The following XRN1 variants were observed in gnomAD, a reference collection of about 807,000 sequenced individuals.
XRN1 encodes 5'-3' exoribonuclease 1, also known as strand-exchange protein 1 homolog.
Under a neutral mutation model 222.3 loss-of-function variants are expected in XRN1, and 67 were observed. That is an observed-to-expected ratio of 0.30 (90% CI 0.25 to 0.37). The LOEUF (loss-of-function observed/expected upper bound fraction) is 0.37. Among genes scored for constraint, XRN1 ranks in the 10% least tolerant of loss-of-function variants. The probability of loss-of-function intolerance (pLI) is 1.00; values close to 1 mark genes in which losing one functional copy is unlikely to be tolerated. For synonymous variants in XRN1, 643 were observed against 652.4 expected, an observed-to-expected ratio of 0.99 and a Z score of 0.22; for missense variants, 1,707 against 2,000.2, an observed-to-expected ratio of 0.85 and a Z score of 2.80.
chr3:142,381,943 A>G (rs1021677993), intron 22 of XRN1, among the ~76,000 whole-genome samples: 3 of 152,118 alleles, frequency 2.0e-5, no homozygotes, highest in African/African-American at 7.2e-5. Context: ...AAAACAAAAA[A>G]ACAGTTCCTT....
intron 20 of XRN1, among the ~76,000 whole-genome samples, chr3:142,386,307 T>G (rs1286704853): frequency 6.6e-6 from 1 of 151,976 alleles, no homozygotes; most frequent in Non-Finnish European, 1.5e-5. Context: ...AAAATCCAAT[T>G]ATGTATAAAA....
chr3:142,428,288 G>C lies in XRN1; in HGVS notation c.309-1447C>G, dbSNP rs2069352355. On this transcript the variant is annotated intron_variant, in intron 2 of 40. Coordinates refer to ENST00000392981, the MANE Select transcript of XRN1 (RefSeq NM_001282857.2). The stretch of plus-strand genomic sequence containing the variant: ...GTGCGGCCTGTAGTCCCAGCTACTT[G>C]GGAGGCTGAGACAGGAGATTCGCTT... Among the ~76,000 whole-genome samples the C allele has an allele frequency of 2.0e-5, 3 of 151,380 alleles. No homozygotes were observed. The South Asian group carries it at 6.3e-4, about 32-fold the overall frequency.
In XRN1 at chr3:142,432,897, A is replaced by G; in HGVS notation, c.76-4T>C. On this transcript the variant is annotated splice_region_variant and splice_polypyrimidine_tract_variant and intron_variant, in intron 1 of 40. Coordinates refer to ENST00000392981, the MANE Select transcript of XRN1 (RefSeq NM_001282857.2). ...ACAAGTTGTCAAATTCAGGAATCTG[A>G]AAAACAAAGAAAAATGCTTGAGATC... is the stretch of plus-strand genomic sequence containing the variant. The G allele has an allele frequency of 6.3e-7, 1 of 1,589,146 alleles. No individual in the cohort carries two copies.
chr3:142,330,899 C>T (rs1469673335), intron 36 of XRN1, among the ~76,000 whole-genome samples: 4 of 152,034 alleles, frequency 2.6e-5, no homozygotes, highest in Non-Finnish European at 4.4e-5. Flanking sequence ...CTCCACCTCC[C>T]GGGTTCAAGC....
At chr3:142,354,219 A>G (rs2107823434) in intron 32 of XRN1, among the ~76,000 whole-genome samples, 1 of 152,340 alleles carries the variant, frequency 6.6e-6, no homozygotes, top group Non-Finnish European at 1.5e-5. Flanking sequence ...AGAAATGCAA[A>G]TCAAAACCAC....
chr3:142,432,913 G>T lies in XRN1; in HGVS notation c.76-20C>A. ...AGGAATCTGAAAAACAAAGAAAAATGCTTGAGATCATTTATTTTAATCAAC... is the reference window on the plus strand; with the variant it reads ...AGGAATCTGAAAAACAAAGAAAAATTCTTGAGATCATTTATTTTAATCAAC... On this transcript the variant is annotated intron_variant, in intron 1 of 40. Transcript: ENST00000392981. The T allele has an allele frequency of 6.4e-7, 1 of 1,557,772 alleles. No individual in the cohort carries two copies. The highest frequency in any genetic ancestry group is 8.8e-7 in the Non-Finnish European group (1 of 1,135,756).
intron 5 of XRN1, among the ~76,000 whole-genome samples, chr3:142,424,458 G>A (rs867907673): frequency 6.6e-6 from 1 of 152,040 alleles, no homozygotes; most frequent in African/African-American, 2.4e-5. Flanking sequence ...TCAATCAAAC[G>A]CCATGTACTT....
chr3:142,341,759 G>A (rs912765289), intron 33 of XRN1, among the ~76,000 whole-genome samples: 2 of 152,110 alleles, frequency 1.3e-5, no homozygotes, highest in Non-Finnish European at 2.9e-5. Flanking sequence ...CCAAAATGGA[G>A]CAGGGGTTAG....
intron 1 of XRN1, among the ~76,000 whole-genome samples, chr3:142,438,634 T>G (rs1338135142): frequency 2.0e-5 from 3 of 152,146 alleles, no homozygotes; most frequent in Non-Finnish European, 2.9e-5. Context: ...GGGACCAATC[T>G]GACCCTCAGA....
chr3:142,322,165 G>C (rs1053547604), intron 37 of XRN1, among the ~76,000 whole-genome samples: 8 of 152,240 alleles, frequency 5.3e-5, no homozygotes, highest in African/African-American at 1.7e-4. Flanking sequence ...GGATAGCTGA[G>C]GGTCTGCGAG....
At chr3:142,366,912 T>C (rs891182211) in intron 27 of XRN1, among the ~76,000 whole-genome samples, 5 of 152,202 alleles carry the variant, frequency 3.3e-5, no homozygotes, top group African/African-American at 9.6e-5. Context: ...GTAATGTTCA[T>C]AATAGGCCCA....
chr3:142,379,225 C>G lies in XRN1; in HGVS notation c.2715+857G>C, dbSNP rs1026582427. Among the ~76,000 whole-genome samples the G allele has an allele frequency of 2.0e-5, 3 of 152,070 alleles. No individual in the cohort carries two copies. In the South Asian group the frequency reaches 6.2e-4, roughly 32 times the overall value. ...GGCAGAGGTTGCACTGAGCCAAGATCGTGCCACTGCACTCCAGCCTGGATG... is the reference window on the plus strand; with the variant it reads ...GGCAGAGGTTGCACTGAGCCAAGATGGTGCCACTGCACTCCAGCCTGGATG... On this transcript the variant is annotated intron_variant, in intron 23 of 40. Transcript: ENST00000392981.
intron 13 of XRN1, among the ~76,000 whole-genome samples, chr3:142,414,854 T>C (rs763092609): frequency 2.0e-5 from 3 of 152,230 alleles, no homozygotes; most frequent in Non-Finnish European, 4.4e-5. Flanking sequence ...AATCAGGTAA[T>C]TGAAAAACAC....
intron 3 of XRN1, chr3:142,426,461 T>C: frequency 3.2e-6 from 1 of 312,352 alleles, no homozygotes; most frequent in Non-Finnish European, 5.9e-6. Context: ...GACAGAAAGA[T>C]ATATAAACAT....
rs878994409 is a variant in XRN1, at chr3:142,361,153, G to A, written c.3395-1222C>T. ...TGAAATAATATAATGTGTATTCCTC[G>A]TTTGTCTGGCTTCTTCGAGCATAAT... On this transcript the variant is annotated intron_variant, in intron 29 of 40. Coordinates refer to ENST00000392981, the MANE Select transcript of XRN1 (RefSeq NM_001282857.2). Among the ~76,000 whole-genome samples the A allele has an allele frequency of 5.3e-5, 8 of 152,130 alleles. No individual in the cohort carries two copies. The South Asian group carries it at 6.2e-4, about 12-fold the overall frequency.
intron 37 of XRN1, among the ~76,000 whole-genome samples, chr3:142,324,664 ATG>A (rs1553852118): frequency 2.0e-5 from 3 of 151,772 alleles, no homozygotes; most frequent in Non-Finnish European, 4.4e-5. Flanking sequence ...CCCTGAGGAA[ATG>A]CCACACTGAC....
In XRN1 at chr3:142,414,267, A is replaced by G. The variant is rs758388393; in HGVS notation, c.1461T>C (p.Pro487=). The change falls in exon 14 of 41, where the codon CCT becomes CCC. Residue 487 remains proline (P), a synonymous_variant. Transcript: ENST00000392981. ...WSWYYPYHYA[P]FLSDIHNIST... is the part of the protein sequence containing the mutation. ...TGATGTTGTGTATATCAGACAGGAAAGGTGCATAATGATAAGGATAATACC... is the reference window on the plus strand; with the variant it reads ...TGATGTTGTGTATATCAGACAGGAAGGGTGCATAATGATAAGGATAATACC... The G allele has an allele frequency of 1.9e-6, 3 of 1,612,044 alleles. No individual in the cohort carries two copies. In the Admixed American group the frequency reaches 5.0e-5, roughly 27 times the overall value.
At chr3:142,440,640 C>A (rs947785203) in intron 1 of XRN1, among the ~76,000 whole-genome samples, 20 of 152,078 alleles carry the variant, frequency 1.3e-4, no homozygotes, top group Non-Finnish European at 1.0e-4. Context: ...TTTAGGAGTA[C>A]AGAAACCCAA....
chr3:142,366,264 T>C (rs1254579632), intron 27 of XRN1, among the ~76,000 whole-genome samples: 1 of 152,246 alleles, frequency 6.6e-6, no homozygotes, highest in Non-Finnish European at 1.5e-5. Flanking sequence ...TTTAATTATA[T>C]GGCAGTCACC....
Sources: allele counts gnomAD v4.1 joint callset (sites outside exome capture counted in the v4.1 genomes callset), GRCh38; gene constraint gnomAD v4.1.1; transcripts MANE v1.5; gene names NCBI Gene and HGNC (gene_info 2026-07-23, HGNC 2026-07-21).